NBAS: variants seen among roughly 807,000 people sequenced by gnomAD.
NBAS encodes NBAS subunit of NRZ tethering complex.
Under a neutral mutation model 302.5 loss-of-function variants are expected in NBAS, and 219 were observed. The ratio of observed to expected loss-of-function variants is 0.72; its 90% CI spans 0.65 to 0.81. The LOEUF (loss-of-function observed/expected upper bound fraction) is 0.81, where lower values mean the gene tolerates loss of function less well. Ranked by LOEUF, NBAS falls within the 30% of genes least tolerant of loss-of-function variation. The pLI is 0.00. For synonymous variants in NBAS, 1,118 were observed against 1,021.6 expected (o/e 1.09, Z -1.80); for missense variants, 2,932 against 2,841.6 (o/e 1.03, Z -0.72).
chr2:15,072,045 A>G, the NBAS span, among the ~76,000 whole-genome samples: 3 of 152,246 alleles, frequency 2.0e-5, no homozygotes, highest in Admixed American at 1.3e-4. Context: ...CTACTTGCTC[A>G]GGATGGCTCT....
intron 38 of NBAS, among the ~76,000 whole-genome samples, chr2:15,323,200 A>G (rs13001587): frequency 1.3e-5 from 2 of 152,260 alleles, no homozygotes; most frequent in Non-Finnish European, 2.9e-5. Flanking sequence ...ATGCAGACGC[A>G]CTAAGAGCAT....
At position 15,308,314 on chromosome 2, in the gene NBAS, AGGG is replaced by A. The variant is rs780275190; in HGVS notation, c.4696_4698del (p.Pro1566del). The A allele has an allele frequency of 5.6e-6, 9 of 1,614,186 alleles. No individual in the cohort carries two copies. The South Asian group carries it at 7.7e-5, about 14-fold the overall frequency. ...GCTGCCAGCTGGAGAGATAATGCAG[AGGG>A]GGACTGCTTTTCAAAGCACCGGTTA... On this transcript the variant is annotated inframe_deletion, in exon 40 of 52. Transcript: ENST00000281513.
the NBAS span, among the ~76,000 whole-genome samples, chr2:14,797,229 C>G: frequency 1.3e-5 from 2 of 152,178 alleles, no homozygotes; most frequent in African/African-American, 2.4e-5. Flanking sequence ...GAGAGATGTT[C>G]CGTCACTCAG....
At chr2:14,906,125 A>G in the NBAS span, among the ~76,000 whole-genome samples, 9 of 152,140 alleles carry the variant, frequency 5.9e-5, no homozygotes, top group African/African-American at 2.2e-4. Flanking sequence ...TAGTAGTAGT[A>G]TTAGTAGTAG....
chr2:14,909,071 G>A, the NBAS span, among the ~76,000 whole-genome samples: 1 of 152,086 alleles, frequency 6.6e-6, no homozygotes, highest in African/African-American at 2.4e-5. Context: ...GGTGGCTTAC[G>A]CTCGTAATCC....
the NBAS span, among the ~76,000 whole-genome samples, chr2:14,813,144 T>C: frequency 6.6e-6 from 1 of 152,204 alleles, no homozygotes; most frequent in African/African-American, 2.4e-5. Context: ...TCTCAGGTAG[T>C]TCTTTATAGC....
chr2:15,450,349 C>T (rs1678948153), intron 21 of NBAS, among the ~76,000 whole-genome samples: 3 of 152,162 alleles, frequency 2.0e-5, no homozygotes, highest in Admixed American at 2.0e-4. Context: ...CATTCAGACA[C>T]TTCTTTCCTA....
At chr2:15,391,420 T>C (rs550332809) in intron 28 of NBAS, among the ~76,000 whole-genome samples, 3 of 151,270 alleles carry the variant, frequency 2.0e-5, no homozygotes, top group South Asian at 2.1e-4. Context: ...AATGTACAAA[T>C]TGATGAGACA....
At chr2:15,220,004 G>A (rs1666864603) in intron 47 of NBAS, among the ~76,000 whole-genome samples, 4 of 148,468 alleles carry the variant, frequency 2.7e-5, no homozygotes, top group African/African-American at 4.9e-5. Context: ...CTCACCTCCC[G>A]GACGGGGCGG....
chr2:14,791,619 T>C, the NBAS span, among the ~76,000 whole-genome samples: 5 of 151,990 alleles, frequency 3.3e-5, no homozygotes, highest in Admixed American at 2.0e-4. Context: ...CTGGCAAATA[T>C]GGTGAAACCC....
intron 12 of NBAS, among the ~76,000 whole-genome samples, chr2:15,485,861 C>A (rs974085777): frequency 3.3e-5 from 5 of 151,910 alleles, no homozygotes; most frequent in Admixed American, 2.6e-4. Flanking sequence ...CAGGAGATGA[C>A]AGGTTCACAG....
chr2:15,480,080 C>T (rs1680363373), intron 12 of NBAS, among the ~76,000 whole-genome samples: 1 of 150,716 alleles, frequency 6.6e-6, no homozygotes, highest in African/African-American at 2.5e-5. Context: ...GTGGCTCACG[C>T]CTGTAATCCC....
At chr2:14,901,510 A>C in the NBAS span, among the ~76,000 whole-genome samples, 1 of 152,206 alleles carries the variant, frequency 6.6e-6, no homozygotes, top group Admixed American at 6.5e-5. Context: ...AAACACTTTA[A>C]GGGATAAAAA....
In NBAS at chr2:15,343,829, G is replaced by C. The variant is rs551765776; in HGVS notation, c.4179+8163C>G. ...AGATTTCTTAGATATAACAACAAAA[G>C]TATAATACATAAAAGAAAATATTAA... On this transcript the variant is annotated intron_variant, in intron 35 of 51. Coordinates refer to ENST00000281513, the MANE Select transcript of NBAS (RefSeq NM_015909.4). 4.6e-5 allele frequency among the ~76,000 whole-genome samples: 7 copies of C among 151,706 alleles called. No individual in the cohort carries two copies. In the East Asian group the frequency reaches 1.4e-3, roughly 29 times the overall value.
In NBAS at chr2:15,448,620, A is replaced by AT. The variant is rs201878852; in HGVS notation, c.2339+12580dup. On this transcript the variant is annotated intron_variant, in intron 21 of 51. Transcript: ENST00000281513. ...ATCCCAACATTCATATATGTCATGG[A>AT]TTTTTTTTCACAGTTCCTATTACAT... Among the ~76,000 whole-genome samples, 1,350 of 152,166 alleles carry AT rather than the reference A, an allele frequency of 8.9e-3. 9 individuals are homozygous for AT. Among genetic ancestry groups the AT allele is most frequent in the Non-Finnish European group, 0.013 (879 of 68,006 alleles).
the NBAS span, among the ~76,000 whole-genome samples, chr2:14,866,660 T>G: frequency 6.6e-6 from 1 of 152,112 alleles, no homozygotes; most frequent in African/African-American, 2.4e-5. Flanking sequence ...CATGTAATCA[T>G]GTACTGATTA....
chr2:15,440,598 G>A (rs955393606), intron 21 of NBAS, among the ~76,000 whole-genome samples: 2 of 152,224 alleles, frequency 1.3e-5, no homozygotes, highest in African/African-American at 4.8e-5. Context: ...CAAAAGCAGA[G>A]CAACTCTCCT....
At chr2:15,033,364 C>T in the NBAS span, among the ~76,000 whole-genome samples, 1 of 152,174 alleles carries the variant, frequency 6.6e-6, no homozygotes, top group Non-Finnish European at 1.5e-5. Context: ...TTAATCACGC[C>T]TTGAGTTTCA....
At chr2:15,433,622 T>C (rs1388879513) in intron 21 of NBAS, among the ~76,000 whole-genome samples, 1 of 152,248 alleles carries the variant, frequency 6.6e-6, no homozygotes. Context: ...AGTTGATTTA[T>C]GAAGTAGAAA....
Sources: gnomAD v4.1 joint callset for allele counts (sites outside exome capture counted in the v4.1 genomes callset) on GRCh38, gnomAD v4.1.1 for gene constraint, MANE v1.5 for transcripts, NCBI Gene and HGNC (gene_info 2026-07-23, HGNC 2026-07-21) for gene names.